NLGN4X: variants seen among roughly 807,000 people sequenced by gnomAD.
The protein encoded by NLGN4X is neuroligin-4, X-linked.
NLGN4X carries 3 observed loss-of-function variants against 40.3 expected under a neutral mutation model. The ratio of observed to expected loss-of-function variants is 0.07; its 90% CI spans 0.03 to 0.19. NLGN4X has a LOEUF of 0.19. Ranked by LOEUF, NLGN4X falls within the 10% of genes least tolerant of loss-of-function variation. NLGN4X has a pLI of 1.00. For missense variants in NLGN4X, 382 were observed against 708.3 expected, an observed-to-expected ratio of 0.54 and a Z score of 5.23; for synonymous variants, 270 against 306.8, an observed-to-expected ratio of 0.88 and a Z score of 1.25.
intron 2 of NLGN4X, among the ~76,000 whole-genome samples, chrX:6,142,811 A>G (rs916033911): frequency 5.3e-5 from 6 of 112,352 alleles, no homozygotes; most frequent in African/African-American, 1.9e-4. Context: ...TATGCTCAAA[A>G]TCCATTTGAT....
At chrX:6,215,045 C>T (rs981509544) in intron 1 of NLGN4X, among the ~76,000 whole-genome samples, 2 of 112,147 alleles carry the variant, frequency 1.8e-5, no homozygotes, top group African/African-American at 3.2e-5. Flanking sequence ...GCTTTCTCTG[C>T]TAGTCCCTTT....
At chrX:6,014,271 G>A (rs188717507) in intron 3 of NLGN4X, among the ~76,000 whole-genome samples, 82 of 111,082 alleles carry the variant, frequency 7.4e-4, no homozygotes, top group Non-Finnish European at 1.1e-3. Flanking sequence ...AATGTTTTTT[G>A]TTTGTTTGTT....
At chrX:6,006,822 A>C (rs757331901) in intron 3 of NLGN4X, among the ~76,000 whole-genome samples, 34 of 112,118 alleles carry the variant, frequency 3.0e-4, no homozygotes, top group African/African-American at 1.1e-3. Context: ...GATGCTGAGA[A>C]AAGGGTACAG....
rs564463682 is a variant in NLGN4X, at chrX:5,956,965, CTGTG to C, written c.626-47730_626-47727del. ...AAGTTGGGAATATTCTGTGTGGTGT[CTGTG>C]TGTGTGTGTGTGTGTGTTTGTGTGT... On this transcript the variant is annotated intron_variant, in intron 3 of 5. Transcript: ENST00000381095. 1.3e-4 allele frequency among the ~76,000 whole-genome samples: 14 copies of C among 106,678 alleles called. No homozygotes were observed. The South Asian group carries it at 5.3e-3, about 40-fold the overall frequency. 92.6% of individuals were successfully genotyped at this position (106,678 alleles called of 115,157 possible).
intron 3 of NLGN4X, among the ~76,000 whole-genome samples, chrX:6,019,888 C>T (rs902730642): frequency 1.8e-5 from 2 of 112,287 alleles, no homozygotes; most frequent in Non-Finnish European, 3.8e-5. Flanking sequence ...TGACTACTAA[C>T]TCATGCTTAA....
chrX:6,079,456 T>C (rs1473566091), intron 2 of NLGN4X, among the ~76,000 whole-genome samples: 1 of 112,464 alleles, frequency 8.9e-6, no homozygotes, highest in African/African-American at 3.2e-5. Context: ...AACTCCTCAT[T>C]TAATCTAGCC....
intron 1 of NLGN4X, among the ~76,000 whole-genome samples, chrX:6,225,899 C>CAA (rs1556015927): frequency 2.4e-5 from 2 of 84,435 alleles, no homozygotes; most frequent in African/African-American, 9.8e-5. Flanking sequence ...CCGCCCCCCC[C>CAA]AAAAAAAATG....
At chrX:5,949,941 T>G (rs1268720534) in intron 3 of NLGN4X, among the ~76,000 whole-genome samples, 1 of 111,548 alleles carries the variant, frequency 9.0e-6, no homozygotes, top group Admixed American at 9.5e-5. Context: ...TGCATTAGAC[T>G]AGAAAACCTG....
At chrX:6,183,739 A>T (rs184091703) in intron 1 of NLGN4X, among the ~76,000 whole-genome samples, 17 of 111,659 alleles carry the variant, frequency 1.5e-4, no homozygotes, top group South Asian at 1.5e-3. Flanking sequence ...TGGATAGTCA[A>T]GGAATCCCAA....
intron 2 of NLGN4X, among the ~76,000 whole-genome samples, chrX:6,098,809 G>T (rs746374047): frequency 9.0e-6 from 1 of 111,532 alleles, no homozygotes; most frequent in African/African-American, 3.3e-5. Flanking sequence ...TCAACCGCCC[G>T]TTCTCAATAT....
intron 2 of NLGN4X, among the ~76,000 whole-genome samples, chrX:6,054,666 T>A (rs1415657406): frequency 2.7e-5 from 3 of 111,029 alleles, no homozygotes; most frequent in African/African-American, 9.8e-5. Context: ...GGAATTAATT[T>A]TTTTTTGAGA....
At chrX:6,105,761 T>C (rs1214924738) in intron 2 of NLGN4X, among the ~76,000 whole-genome samples, 1 of 112,007 alleles carries the variant, frequency 8.9e-6, no homozygotes, top group Non-Finnish European at 1.9e-5. Flanking sequence ...TTTTCTTGAT[T>C]TGCATAATCA....
Position 6,173,943 on chromosome X carries a change from C to A in NLGN4X, c.-305-22172G>T, listed in dbSNP as rs1404499882. Among the ~76,000 whole-genome samples the A allele has an allele frequency of 2.7e-5, 3 of 111,143 alleles. No homozygotes were observed. In the East Asian group the frequency reaches 8.5e-4, roughly 31 times the overall value. On this transcript the variant is annotated intron_variant, in intron 1 of 5. Coordinates refer to ENST00000381095, the MANE Select transcript of NLGN4X (RefSeq NM_181332.3). ...AGGCATGGTGGTGGGCACCTGTAAT[C>A]CCACCTACTTAGGAGGCTGAGGCAG...
intron 3 of NLGN4X, among the ~76,000 whole-genome samples, chrX:6,006,139 G>A (rs1465955068): frequency 9.0e-6 from 1 of 111,072 alleles, no homozygotes; most frequent in Non-Finnish European, 1.9e-5. Flanking sequence ...TGCCTACACA[G>A]CCAACAGTTT....
chrX:5,991,598 C>T (rs781780074), intron 3 of NLGN4X: 2 of 468,099 alleles, frequency 4.3e-6, no homozygotes, highest in African/African-American at 2.4e-5. Flanking sequence ...AATAAGGCCC[C>T]TTTCTCAGCA....
rs772032816 is a variant in NLGN4X, at chrX:6,135,865, C to T, written c.472+15130G>A. ...TGATTAGACCTGAGGACACCATTTTCGAAACTAAATGCACCGCTAGTAAAT... is the reference window on the plus strand; with the variant it reads ...TGATTAGACCTGAGGACACCATTTTTGAAACTAAATGCACCGCTAGTAAAT... On this transcript the variant is annotated intron_variant, in intron 2 of 5. Coordinates refer to ENST00000381095, the MANE Select transcript of NLGN4X (RefSeq NM_181332.3). Among the ~76,000 whole-genome samples the T allele has an allele frequency of 3.6e-5, 4 of 111,889 alleles. No individual in the cohort carries two copies. The South Asian group carries it at 1.1e-3, about 31-fold the overall frequency.
At chrX:6,201,631 A>G (rs1231534508) in intron 1 of NLGN4X, among the ~76,000 whole-genome samples, 2 of 111,669 alleles carry the variant, frequency 1.8e-5, no homozygotes, top group Non-Finnish European at 3.8e-5. Flanking sequence ...AGGACCTGTT[A>G]TTTCTGAAAG....
intron 2 of NLGN4X, among the ~76,000 whole-genome samples, chrX:6,146,201 C>T (rs2040042941): frequency 8.9e-6 from 1 of 111,761 alleles, no homozygotes; most frequent in Non-Finnish European, 1.9e-5. Context: ...TGTTACCACG[C>T]CACACTTAAC....
At position 6,032,812 on chromosome X, in the gene NLGN4X, C is replaced by CA. The variant is rs779372446; in HGVS notation, c.473-3381dup. The CA allele has an allele frequency of 6.0e-5, 44 of 728,764 alleles. No individual in the cohort carries two copies. In the African/African-American group the frequency reaches 8.7e-4, roughly 14 times the overall value. The allele number at this position is 728,764 out of a possible 1,213,427, so 60.1% of individuals were successfully genotyped here. A position where few individuals can be genotyped will look rare whatever the true frequency, so the allele number is the denominator to read the frequency against. On this transcript the variant is annotated intron_variant, in intron 2 of 5. Transcript: ENST00000381095. ...AGAGAATTCAAAAACAACAGGTTTT[C>CA]AAAAAATTCAGAAAAGAGAGAGATG...
Sources: gnomAD v4.1 joint callset for allele counts (sites outside exome capture counted in the v4.1 genomes callset) on GRCh38, gnomAD v4.1.1 for gene constraint, MANE v1.5 for transcripts, NCBI Gene and HGNC (gene_info 2026-07-23, HGNC 2026-07-21) for gene names.